Variants in PLEKHA8 observed in about 807,000 individuals in gnomAD.
PLEKHA8 encodes pleckstrin homology domain-containing family A member 8.
Under a neutral mutation model 68.2 loss-of-function variants are expected in PLEKHA8, and 36 were observed. That is an observed-to-expected ratio of 0.53 (90% CI 0.40 to 0.70). The LOEUF (loss-of-function observed/expected upper bound fraction) is 0.70, where lower values mean the gene tolerates loss of function less well. Among genes scored for constraint, PLEKHA8 ranks in the 30% least tolerant of loss-of-function variants. PLEKHA8 has a pLI of 0.00. For synonymous variants in PLEKHA8, 211 were observed against 216.1 expected, an observed-to-expected ratio of 0.98 and a Z score of 0.20; for missense variants, 505 against 615.4, an observed-to-expected ratio of 0.82 and a Z score of 1.90.
chr7:30,044,597 A>G (rs1233392905), intron 1 of PLEKHA8, among the ~76,000 whole-genome samples: 2 of 152,216 alleles, frequency 1.3e-5, no homozygotes, highest in African/African-American at 2.4e-5. Flanking sequence ...GGCACTCTCT[A>G]TGACATTTGT....
chr7:30,100,774 AT>A (rs1243898447), intron 13 of PLEKHA8, among the ~76,000 whole-genome samples: 1 of 152,214 alleles, frequency 6.6e-6, no homozygotes. Flanking sequence ...AGGTATACAG[AT>A]TGAAAAGGAA....
rs373393267 is a variant in PLEKHA8 at position 30,045,238 on chromosome 7, TTC to T, written c.157+39_157+40del. The stretch of plus-strand genomic sequence containing the variant: ...AGCAACTTGCAAGTTTTATTTTTCT[TTC>T]TGTTTTCCCTCAAAAACAAAAAAGC... On this transcript the variant is annotated intron_variant, in intron 2 of 13. Transcript: ENST00000449726. 9.0e-4 allele frequency: 1,369 copies of T among 1,515,970 alleles called. 11 individuals carry two copies. In the African/African-American group the frequency reaches 0.016, roughly 17 times the overall value. 93.9% of individuals were successfully genotyped at this position (1,515,970 alleles called of 1,614,324 possible). A position where few individuals can be genotyped will look rare whatever the true frequency, so the allele number is the denominator to read the frequency against.
intron 13 of PLEKHA8, among the ~76,000 whole-genome samples, chr7:30,098,981 C>T (rs1187915436): frequency 6.6e-6 from 1 of 152,214 alleles, no homozygotes; most frequent in Non-Finnish European, 1.5e-5. Context: ...GTCTCGAACT[C>T]CTGACCTCAG....
At chr7:30,089,560 C>T (rs1583457674), downstream of PLEKHA8, among the ~76,000 whole-genome samples, 1 of 152,328 alleles carries the variant, frequency 6.6e-6, no homozygotes, top group African/African-American at 2.4e-5. Flanking sequence ...TACACTGACA[C>T]TGTATGAAAG....
chr7:30,115,430 A>G (rs1220898489), intron 13 of PLEKHA8, among the ~76,000 whole-genome samples: 1 of 152,030 alleles, frequency 6.6e-6, no homozygotes, highest in African/African-American at 2.4e-5. Context: ...ATGTGTTTAG[A>G]TATACATATA....
rs1554281878 is a variant in PLEKHA8 at position 30,108,083 on chromosome 7, A to AAAAAAAAAAC, written c.1363-21182_1363-21173dup. ...ACTCCATCTCAAAAAAAAAAAAAAA[A>AAAAAAAAAAC]AAAAAAAAACCTACATTCATTGACA... On this transcript the variant is annotated intron_variant, in intron 13 of 13. Coordinates refer to the PLEKHA8 transcript ENST00000396257. Among the ~76,000 whole-genome samples, 1,226 of 144,096 alleles carry AAAAAAAAAAC rather than the reference A, an allele frequency of 8.5e-3. 9 individuals are homozygous for AAAAAAAAAAC. The highest frequency in any genetic ancestry group is 0.015 in the Non-Finnish European group (975 of 64,818). 94.5% of individuals were successfully genotyped at this position (144,096 alleles called of 152,430 possible). A position where few individuals can be genotyped will look rare whatever the true frequency, so the allele number is the denominator to read the frequency against.
Position 30,097,565 on chromosome 7 carries a change from A to T in PLEKHA8, c.1362+23433A>T, listed in dbSNP as rs532476196. On this transcript the variant is annotated intron_variant, in intron 13 of 13. Transcript: ENST00000396257. ...TTCTCTAACCTTCTCTTCTCGCTTC[A>T]TTTCATTCATTTCGTCTTCCATTGC... 2.3e-3 allele frequency among the ~76,000 whole-genome samples: 354 copies of T among 151,930 alleles called. 1 individual carries two copies. The highest frequency in any genetic ancestry group is 6.0e-3 in the South Asian group (29 of 4,812).
chr7:30,069,401 CT>C (rs1271640749), intron 12 of PLEKHA8, among the ~76,000 whole-genome samples: 1 of 152,202 alleles, frequency 6.6e-6, no homozygotes, highest in Non-Finnish European at 1.5e-5. Context: ...CTCGTCTTCT[CT>C]ATAAGCCAAA....
At chr7:30,114,860 A>G (rs570217361) in intron 13 of PLEKHA8, among the ~76,000 whole-genome samples, 6 of 152,196 alleles carry the variant, frequency 3.9e-5, no homozygotes, top group Middle Eastern at 3.4e-3. Flanking sequence ...ACCATCTGCA[A>G]ATTTGAACCT....
At chr7:30,115,988 GCATACGCATACATACGCATA>G (rs1169875681) in intron 13 of PLEKHA8, 2 of 130,934 alleles carry the variant, frequency 1.5e-5, no homozygotes, top group Non-Finnish European at 3.4e-5. Context: ...ATGCATGTAT[GCATACGCATACATACGCATA>G]CATACGCATA....
At chr7:30,057,868 GTTTAAC>G (rs1227113056) in intron 9 of PLEKHA8, among the ~76,000 whole-genome samples, 1 of 152,164 alleles carries the variant, frequency 6.6e-6, no homozygotes, top group Non-Finnish European at 1.5e-5. Context: ...CTGGTTCATA[GTTTAAC>G]TTTATAATAA....
chr7:30,110,767 GT>G (rs1335619800), intron 13 of PLEKHA8, among the ~76,000 whole-genome samples: 3 of 152,126 alleles, frequency 2.0e-5, no homozygotes, highest in Non-Finnish European at 4.4e-5. Context: ...TCTCATCATG[GT>G]TTTGATTTGA....
At chr7:30,111,625 C>CTT (rs879655642) in intron 13 of PLEKHA8, among the ~76,000 whole-genome samples, 1 of 143,182 alleles carries the variant, frequency 7.0e-6, no homozygotes, top group African/African-American at 2.5e-5. Context: ...ACCATTAGGA[C>CTT]TTTTTTTTTT....
At chr7:30,097,284 T>C (rs2128009139) in intron 13 of PLEKHA8, among the ~76,000 whole-genome samples, 1 of 152,304 alleles carries the variant, frequency 6.6e-6, no homozygotes, top group East Asian at 1.9e-4. Context: ...TCAACTTTGG[T>C]GAATCTGATA....
rs1044046353 is a variant in PLEKHA8 at position 30,090,082 on chromosome 7, A to T, written c.1301-71A>T. On this transcript the variant is annotated intron_variant, in intron 12 of 12. Coordinates refer to the PLEKHA8 transcript ENST00000258679. ...AAAGGAACTAAAAAAGTATCTGGAGATAAAATACAGAAGATTTTTCCTGAA... is the reference window on the plus strand; with the variant it reads ...AAAGGAACTAAAAAAGTATCTGGAGTTAAAATACAGAAGATTTTTCCTGAA... 2.0e-6 allele frequency: 3 copies of T among 1,472,780 alleles called. No homozygotes were observed. The African/African-American group carries it at 4.3e-5, about 21-fold the overall frequency. 91.2% of individuals were successfully genotyped at this position (1,472,780 alleles called of 1,614,324 possible).
chr7:30,052,978 C>G, intron 7 of PLEKHA8, 112 bp downstream of exon 7: 1 of 831,014 alleles, frequency 1.2e-6, no homozygotes, highest in South Asian at 2.0e-5. Context: ...GTAGTGTCTG[C>G]TAAGGAGGAT....
At chr7:30,118,559 TTC>T (rs1468220638) in intron 13 of PLEKHA8, among the ~76,000 whole-genome samples, 4 of 151,896 alleles carry the variant, frequency 2.6e-5, no homozygotes, top group Non-Finnish European at 5.9e-5. Context: ...TCTTTCTGTC[TTC>T]TCTCTCTGAG....
At chr7:30,089,043 C>A (rs62446716), downstream of PLEKHA8, among the ~76,000 whole-genome samples, 21,361 of 151,982 alleles carry the variant, frequency 0.14, 1,521 homozygotes, top group Middle Eastern at 0.19. Context: ...CCCGTACATA[C>A]AGTAGATATG....
chr7:30,087,062 C>A (rs1035553500), downstream of PLEKHA8, among the ~76,000 whole-genome samples: 2 of 152,228 alleles, frequency 1.3e-5, no homozygotes, highest in South Asian at 2.1e-4. Flanking sequence ...GTTGTCGCAT[C>A]TTTGCTGACA....
Sources: allele counts gnomAD v4.1 joint callset (sites outside exome capture counted in the v4.1 genomes callset), GRCh38; gene constraint gnomAD v4.1.1; transcripts MANE v1.5; gene names NCBI Gene and HGNC (gene_info 2026-07-23, HGNC 2026-07-21).